DLG2: variants seen among roughly 807,000 people sequenced by gnomAD.
DLG2 encodes disks large homolog 2.
DLG2 carries 45 observed loss-of-function variants against 132.5 expected under a neutral mutation model. That is an observed-to-expected ratio of 0.34 (90% CI 0.27 to 0.44). The LOEUF (loss-of-function observed/expected upper bound fraction) is 0.44. Ranked by LOEUF, DLG2 falls within the 20% of genes least tolerant of loss-of-function variation. The pLI is 1.00. For missense variants in DLG2, 1,045 were observed against 1,196.9 expected (o/e 0.87, Z 1.87); for synonymous variants, 424 against 419.6 (o/e 1.01, Z -0.13).
chr11:84,049,902 ATG>A (rs1218043269), intron 11 of DLG2, among the ~76,000 whole-genome samples: 2 of 151,784 alleles, frequency 1.3e-5, no homozygotes, highest in African/African-American at 4.8e-5. Flanking sequence ...GATGGATATG[ATG>A]TCAGCAGATA....
chr11:85,212,014 T>A (rs2082285202), intron 4 of DLG2, among the ~76,000 whole-genome samples: 1 of 152,080 alleles, frequency 6.6e-6, no homozygotes, highest in African/African-American at 2.4e-5. Flanking sequence ...GTAAAAATTA[T>A]CTCCCTCATC....
intron 3 of DLG2, among the ~76,000 whole-genome samples, chr11:85,527,590 C>T (rs1476236982): frequency 6.6e-6 from 1 of 152,134 alleles, no homozygotes; most frequent in Non-Finnish European, 1.5e-5. Flanking sequence ...TTTATCCAGT[C>T]TATCATTGAT....
chr11:85,614,317 GTTTT>G (rs771726799), intron 2 of DLG2, among the ~76,000 whole-genome samples: 2,185 of 148,520 alleles, frequency 0.015, 44 homozygotes, highest in African/African-American at 0.05. Context: ...CTTGAACCAG[GTTTT>G]TTTTTTTTTT....
chr11:85,294,164 T>C (rs1045597991), intron 3 of DLG2, among the ~76,000 whole-genome samples: 3 of 152,138 alleles, frequency 2.0e-5, no homozygotes, highest in Non-Finnish European at 4.4e-5. Flanking sequence ...GAGACATGCA[T>C]ATATAGAAAA....
At chr11:84,996,391 T>G (rs2057656304) in intron 6 of DLG2, among the ~76,000 whole-genome samples, 1 of 152,126 alleles carries the variant, frequency 6.6e-6, no homozygotes, top group Admixed American at 6.6e-5. Context: ...TATATTTTAT[T>G]TATCTTAATC....
At chr11:84,777,141 CAATAT>C (rs1279765081) in intron 6 of DLG2, among the ~76,000 whole-genome samples, 7 of 151,468 alleles carry the variant, frequency 4.6e-5, no homozygotes, top group African/African-American at 1.7e-4. Flanking sequence ...TGAGAACATG[CAATAT>C]TTGACTTTCT....
chr11:83,976,581 T>C (rs1054142978), intron 12 of DLG2, among the ~76,000 whole-genome samples: 7 of 151,938 alleles, frequency 4.6e-5, no homozygotes, highest in African/African-American at 1.7e-4. Context: ...ATTGGTCTTT[T>C]AGGGTGGCTT....
rs2093003684 is a variant in DLG2 at position 83,480,366 on chromosome 11, A to G, written c.2293+3763T>C. 7 of 1,534,754 alleles carry G rather than the reference A, an allele frequency of 4.6e-6. No homozygotes were observed. The East Asian group carries it at 1.5e-4, about 32-fold the overall frequency. The stretch of plus-strand genomic sequence containing the variant: ...AAAATAACCGCAAACCAAAGCAGTA[A>G]CTTACGGTAGCTACTTTCGCTATCG... On this transcript the variant is annotated intron_variant, in intron 22 of 27. Transcript: ENST00000376104.
intron 7 of DLG2, among the ~76,000 whole-genome samples, chr11:84,332,632 C>T (rs1237329460): frequency 1.3e-5 from 2 of 151,822 alleles, no homozygotes; most frequent in Admixed American, 6.6e-5. Context: ...GCGTGAGCCA[C>T]CGCGCCTGGC....
At chr11:83,512,468 C>A (rs970317939) in intron 21 of DLG2, among the ~76,000 whole-genome samples, 1 of 152,122 alleles carries the variant, frequency 6.6e-6, no homozygotes, top group African/African-American at 2.4e-5. Context: ...AGAAACTATT[C>A]TTTCATCATT....
At chr11:84,529,061 T>A (rs1376114730) in intron 7 of DLG2, among the ~76,000 whole-genome samples, 1 of 151,428 alleles carries the variant, frequency 6.6e-6, no homozygotes, top group Non-Finnish European at 1.5e-5. Flanking sequence ...TAAAACGGAC[T>A]TTTTTTTTCC....
intron 3 of DLG2, among the ~76,000 whole-genome samples, chr11:85,465,363 G>C (rs1346997030): frequency 1.3e-5 from 2 of 151,820 alleles, no homozygotes; most frequent in Non-Finnish European, 2.9e-5. Context: ...GTGCACGTTT[G>C]TTACATATGT....
At chr11:84,065,004 C>A (rs953220559) in intron 10 of DLG2, among the ~76,000 whole-genome samples, 3 of 152,112 alleles carry the variant, frequency 2.0e-5, no homozygotes, top group Admixed American at 6.5e-5. Flanking sequence ...GCTGAGATAA[C>A]TGGACAGTCA....
At chr11:83,668,865 A>ATTTT (rs200688548) in intron 18 of DLG2, among the ~76,000 whole-genome samples, 4 of 115,684 alleles carry the variant, frequency 3.5e-5, no homozygotes, top group African/African-American at 9.0e-5. Flanking sequence ...ATATATATAT[A>ATTTT]TATTTTTTTT....
chr11:84,770,949 G>A (rs1025137601), intron 6 of DLG2, among the ~76,000 whole-genome samples: 1 of 152,012 alleles, frequency 6.6e-6, no homozygotes, highest in East Asian at 1.9e-4. Flanking sequence ...ACTGCGCTCA[G>A]CCGATTTCAT....
At chr11:85,613,687 G>A (rs535182884) in intron 2 of DLG2, among the ~76,000 whole-genome samples, 3 of 152,298 alleles carry the variant, frequency 2.0e-5, no homozygotes, top group African/African-American at 2.4e-5. Context: ...AACAAGCAGC[G>A]CTCTGTAAAA....
chr11:84,840,188 C>A (rs1274857059), intron 6 of DLG2, among the ~76,000 whole-genome samples: 2 of 152,064 alleles, frequency 1.3e-5, no homozygotes, highest in Admixed American at 6.6e-5. Context: ...AGGATATGAA[C>A]AGGTGCTTCT....
chr11:85,394,786 T>A (rs1016982013), intron 3 of DLG2, among the ~76,000 whole-genome samples: 7 of 152,180 alleles, frequency 4.6e-5, no homozygotes, highest in Admixed American at 2.6e-4. Context: ...CCATGTTGAC[T>A]TCTGGTTAGC....
At chr11:84,053,121 A>G (rs961574407) in intron 11 of DLG2, among the ~76,000 whole-genome samples, 38 of 152,148 alleles carry the variant, frequency 2.5e-4, no homozygotes, top group African/African-American at 8.7e-4. Context: ...GCAGAGACAT[A>G]GATGGAATTG....
Sources: gnomAD v4.1 joint callset for allele counts (sites outside exome capture counted in the v4.1 genomes callset) on GRCh38, gnomAD v4.1.1 for gene constraint, MANE v1.5 for transcripts, NCBI Gene and HGNC (gene_info 2026-07-23, HGNC 2026-07-21) for gene names.